DMD: variants seen among roughly 807,000 people sequenced by gnomAD.
DMD encodes the protein mutant dystrophin.
DMD carries 63 observed loss-of-function variants against 330.1 expected under a neutral mutation model. That is an observed-to-expected ratio of 0.19 (90% CI 0.16 to 0.24). The LOEUF is 0.24. Among genes scored for constraint, DMD ranks in the 10% least tolerant of loss-of-function variants. The probability of loss-of-function intolerance (pLI) is 1.00; values close to 1 mark genes in which losing one functional copy is unlikely to be tolerated. For synonymous variants in DMD, 1,223 were observed against 959.8 expected, an observed-to-expected ratio of 1.27 and a Z score of -5.07; for missense variants, 3,344 against 2,684.1, an observed-to-expected ratio of 1.25 and a Z score of -5.43.
chrX:32,798,932 G>C (rs748661923), intron 7 of DMD, among the ~76,000 whole-genome samples: 32 of 111,234 alleles, frequency 2.9e-4, no homozygotes, highest in South Asian at 3.8e-4. Flanking sequence ...TGCCATTATG[G>C]TATCAAAATG....
intron 43 of DMD, among the ~76,000 whole-genome samples, chrX:32,227,264 CATATATATATATAT>C (rs57305198): frequency 0.089 from 3,178 of 35,818 alleles, 170 homozygotes; most frequent in Non-Finnish European, 0.12. Context: ...TAAGTCTAAG[CATATATATATATAT>C]ATATATATAT....
chrX:32,133,666 A>C lies in DMD; in HGVS notation c.6438+83250T>G, dbSNP rs149014547. Among the ~76,000 whole-genome samples, 142 of 111,417 alleles carry C rather than the reference A, an allele frequency of 1.3e-3. 1 individual carries two copies. In the East Asian group the frequency reaches 0.039, roughly 30 times the overall value. ...TAATCAGAGCAAAAACGTTGGAGCC[A>C]TTCATGACTCCATTTTTCTCCCATG... On this transcript the variant is annotated intron_variant, in intron 44 of 78. Transcript: ENST00000357033.
At chrX:32,470,987 A>G (rs73451778) in intron 22 of DMD, among the ~76,000 whole-genome samples, 1,484 of 111,996 alleles carry the variant, frequency 0.013, 34 homozygotes, top group African/African-American at 0.045. Flanking sequence ...TATAATAAGT[A>G]GGAAAAGGGC....
chrX:33,055,465 C>T (rs2094505873), intron 1 of DMD, among the ~76,000 whole-genome samples: 1 of 112,029 alleles, frequency 8.9e-6, no homozygotes, highest in Non-Finnish European at 1.9e-5. Flanking sequence ...CTATTTGTTA[C>T]TACAGGCAAC....
At chrX:31,722,424 T>C (rs778060386) in intron 52 of DMD, among the ~76,000 whole-genome samples, 1 of 111,391 alleles carries the variant, frequency 9.0e-6, no homozygotes, top group South Asian at 3.8e-4. Flanking sequence ...CCAGCCTGTA[T>C]TTCAATTCTT....
chrX:32,178,794 ATCT>A (rs747749804), intron 44 of DMD, among the ~76,000 whole-genome samples: 8 of 107,638 alleles, frequency 7.4e-5, no homozygotes, highest in Non-Finnish European at 1.3e-4. Flanking sequence ...CAAATGACAG[ATCT>A]TCTTCTTTTT....
chrX:31,472,632 C>T (rs749885041), intron 59 of DMD, among the ~76,000 whole-genome samples: 1 of 112,093 alleles, frequency 8.9e-6, no homozygotes, highest in Non-Finnish European at 1.9e-5. Flanking sequence ...GCCACAGGGA[C>T]TGAGGATGGT....
chrX:31,293,204 AGTGTGTGTGTGTGT>A (rs559104990), intron 62 of DMD, among the ~76,000 whole-genome samples: 170 of 58,366 alleles, frequency 2.9e-3, no homozygotes, highest in African/African-American at 0.011. Flanking sequence ...AGTCTGGTTT[AGTGTGTGTGTGTGT>A]GTGTGTGTGT....
chrX:32,830,803 T>C (rs909628308), intron 4 of DMD, among the ~76,000 whole-genome samples: 1 of 111,281 alleles, frequency 9.0e-6, no homozygotes, highest in Non-Finnish European at 1.9e-5. Flanking sequence ...TTTTGGAGGA[T>C]AGAAAACCTC....
intron 48 of DMD, among the ~76,000 whole-genome samples, chrX:31,860,006 T>C (rs1283505767): frequency 9.0e-6 from 1 of 111,582 alleles, no homozygotes; most frequent in African/African-American, 3.3e-5. Context: ...CAGAAATTGT[T>C]TGAAAATGAT....
rs934570843 is a variant in DMD, at chrX:31,178,821, T to C, written c.10087-16A>G. On this transcript the variant is annotated splice_polypyrimidine_tract_variant and intron_variant, in intron 69 of 78. Transcript: ENST00000357033. Reference sequence around the variant, plus strand: ...CTGATGTAGTCTAAAAGGGAGATCATGGTGAGATCAGATTTAGGACAGGAT... The same window carrying C: ...CTGATGTAGTCTAAAAGGGAGATCACGGTGAGATCAGATTTAGGACAGGAT... 3.3e-6 allele frequency: 4 copies of C among 1,208,765 alleles called. No individual in the cohort carries two copies. The highest frequency in any genetic ancestry group is 5.9e-5 in the East Asian group (2 of 33,751).
intron 16 of DMD, among the ~76,000 whole-genome samples, chrX:32,562,312 T>C (rs147908488): frequency 0.028 from 3,175 of 112,663 alleles, 99 homozygotes; most frequent in African/African-American, 0.095. Flanking sequence ...AAATCTGAGT[T>C]TGAAATGCAA....
intron 18 of DMD, among the ~76,000 whole-genome samples, chrX:32,512,727 A>C (rs1173976328): frequency 8.9e-6 from 1 of 112,596 alleles, no homozygotes; most frequent in East Asian, 2.8e-4. Context: ...ACATATTTGT[A>C]GGTTATCAAA....
intron 51 of DMD, among the ~76,000 whole-genome samples, chrX:31,752,355 C>G (rs2088654483): frequency 9.0e-6 from 1 of 111,019 alleles, no homozygotes; most frequent in South Asian, 3.8e-4. Flanking sequence ...GGGTTCGGTA[C>G]TATGTGTCAT....
intron 45 of DMD, among the ~76,000 whole-genome samples, chrX:31,967,297 G>GGGGT (rs1744949026): frequency 2.7e-5 from 2 of 74,588 alleles, no homozygotes; most frequent in South Asian, 1.9e-3. Flanking sequence ...TTTGGCAAGG[G>GGGGT]GTGTGTGTGT....
chrX:31,594,368 C>T (rs919142107), intron 55 of DMD, among the ~76,000 whole-genome samples: 2 of 110,799 alleles, frequency 1.8e-5, no homozygotes, highest in African/African-American at 6.5e-5. Flanking sequence ...GCCCTTTCGA[C>T]TTCTGGTCTG....
chrX:33,254,636 C>G (rs2052825206), intron 1 of DMD, among the ~76,000 whole-genome samples: 1 of 110,017 alleles, frequency 9.1e-6, no homozygotes, highest in Admixed American at 9.8e-5. Context: ...AGAAATAAAT[C>G]AGAGAAAAAA....
At chrX:31,843,190 A>T (rs1244058462) in intron 48 of DMD, among the ~76,000 whole-genome samples, 1 of 111,801 alleles carries the variant, frequency 8.9e-6, no homozygotes, top group Non-Finnish European at 1.9e-5. Flanking sequence ...ATACAAGTGC[A>T]TGTGTCTTTT....
chrX:32,996,987 T>C (rs1472593183), intron 2 of DMD, among the ~76,000 whole-genome samples: 1 of 111,604 alleles, frequency 9.0e-6, no homozygotes, highest in Non-Finnish European at 1.9e-5. Flanking sequence ...AGAAAGCATA[T>C]GTATATTTGC....
Sources: gnomAD v4.1 joint callset for allele counts (sites outside exome capture counted in the v4.1 genomes callset) on GRCh38, gnomAD v4.1.1 for gene constraint, MANE v1.5 for transcripts, NCBI Gene and HGNC (gene_info 2026-07-23, HGNC 2026-07-21) for gene names.